NEK10: variants seen among roughly 807,000 people sequenced by gnomAD.
NEK10 encodes the protein NIMA related kinase 10.
In NEK10, 122 loss-of-function variants were observed where a neutral mutation model predicts 159.8. The ratio of observed to expected loss-of-function variants is 0.76; its 90% CI spans 0.66 to 0.89. The LOEUF (loss-of-function observed/expected upper bound fraction) is 0.89, where lower values mean the gene tolerates loss of function less well. NEK10 is among the 40% of genes least tolerant of loss of function. The probability of loss-of-function intolerance (pLI) is 0.00; values close to 1 mark genes in which losing one functional copy is unlikely to be tolerated. For missense variants in NEK10, 1,342 were observed against 1,323.1 expected, an observed-to-expected ratio of 1.01 and a Z score of -0.22; for synonymous variants, 466 against 457.1, an observed-to-expected ratio of 1.02 and a Z score of -0.25.
chr3:27,143,214 G>A (rs1943955562), intron 30 of NEK10, among the ~76,000 whole-genome samples: 1 of 152,156 alleles, frequency 6.6e-6, no homozygotes, highest in Admixed American at 6.5e-5. Context: ...ACTAGACAGT[G>A]TGTAACATGA....
chr3:27,186,422 T>C (rs1948628841), intron 26 of NEK10, among the ~76,000 whole-genome samples: 1 of 152,218 alleles, frequency 6.6e-6, no homozygotes. Context: ...AAATTTCTTC[T>C]GGAGCTCAAA....
At chr3:27,297,695 T>G (rs1229948851) in intron 13 of NEK10, among the ~76,000 whole-genome samples, 2 of 152,122 alleles carry the variant, frequency 1.3e-5, no homozygotes, top group Non-Finnish European at 2.9e-5. Flanking sequence ...GAGAAAACAG[T>G]TTCAAAGAGT....
At chr3:27,115,839 CT>C (rs1349945488) in intron 35 of NEK10, 100 bp downstream of exon 35, 5 of 830,154 alleles carry the variant, frequency 6.0e-6, no homozygotes, top group Non-Finnish European at 9.6e-6. Context: ...AAAATAAAAT[CT>C]GAAAAAAAAT....
At chr3:27,223,508 C>T (rs1398075221) in intron 23 of NEK10, among the ~76,000 whole-genome samples, 1 of 152,216 alleles carries the variant, frequency 6.6e-6, no homozygotes, top group Non-Finnish European at 1.5e-5. Context: ...ATTCTCAATA[C>T]CTGGCTGCTC....
intron 6 of NEK10, among the ~76,000 whole-genome samples, chr3:27,321,456 A>C (rs2045627285): frequency 6.6e-6 from 1 of 152,170 alleles, no homozygotes; most frequent in African/African-American, 2.4e-5. Flanking sequence ...AGATCACCTG[A>C]GGTCAGGGGT....
At chr3:27,267,798 C>T (rs201021073) in intron 22 of NEK10, among the ~76,000 whole-genome samples, 2 of 152,142 alleles carry the variant, frequency 1.3e-5, no homozygotes, top group East Asian at 1.9e-4. Flanking sequence ...AATAGTCATA[C>T]ATCTCTGACT....
intron 23 of NEK10, among the ~76,000 whole-genome samples, chr3:27,238,117 G>T (rs1449887195): frequency 6.6e-6 from 1 of 152,132 alleles, no homozygotes; most frequent in African/African-American, 2.4e-5. Context: ...TTCTAATTTA[G>T]TTTTAGCCAA....
At chr3:27,201,712 C>A (rs1463439632) in intron 24 of NEK10, 132 bp from the exon 25 acceptor site, 2 of 643,144 alleles carry the variant, frequency 3.1e-6, no homozygotes, top group Non-Finnish European at 5.6e-6. Context: ...AGTCAGAAAT[C>A]CCGACCAAAT....
At chr3:27,361,905 A>G (rs1474751033) in intron 1 of NEK10, among the ~76,000 whole-genome samples, 2 of 152,224 alleles carry the variant, frequency 1.3e-5, no homozygotes, top group African/African-American at 4.8e-5. Context: ...TACAAAAAAA[A>G]AAAATCTCTT....
intron 26 of NEK10, among the ~76,000 whole-genome samples, chr3:27,184,166 T>C (rs995002316): frequency 1.3e-5 from 2 of 152,172 alleles, no homozygotes; most frequent in African/African-American, 4.8e-5. Context: ...AAATTCCAAA[T>C]CTGGAGAAAA....
chr3:27,350,342 T>A (rs1430673862), intron 3 of NEK10, among the ~76,000 whole-genome samples: 1 of 152,162 alleles, frequency 6.6e-6, no homozygotes, highest in Non-Finnish European at 1.5e-5. Context: ...TGTCTCTTTA[T>A]AAGCTCTTAA....
intron 22 of NEK10, among the ~76,000 whole-genome samples, chr3:27,275,919 C>A (rs1403421911): frequency 2.0e-5 from 3 of 152,068 alleles, no homozygotes; most frequent in Admixed American, 6.6e-5. Context: ...CTTTGAGTTA[C>A]TGTTTGCTAA....
At chr3:27,305,440 C>T (rs1375535531) in intron 11 of NEK10, among the ~76,000 whole-genome samples, 1 of 151,968 alleles carries the variant, frequency 6.6e-6, no homozygotes, top group Non-Finnish European at 1.5e-5. Context: ...AGAAGAATTG[C>T]TTGAACCCAG....
At chr3:27,233,685 G>C (rs942662302) in intron 23 of NEK10, among the ~76,000 whole-genome samples, 1 of 151,928 alleles carries the variant, frequency 6.6e-6, no homozygotes, top group East Asian at 1.9e-4. Flanking sequence ...TGTGGTATAA[G>C]ATGTACAAAG....
chr3:27,352,702 ACT>A (rs1460257208), intron 2 of NEK10, 108 bp downstream of exon 2: 4 of 844,460 alleles, frequency 4.7e-6, no homozygotes, highest in Non-Finnish European at 7.9e-6. Context: ...AAGCACTGTA[ACT>A]CTGAATAGTA....
At chr3:27,221,683 C>T (rs1952113280) in intron 23 of NEK10, among the ~76,000 whole-genome samples, 1 of 152,228 alleles carries the variant, frequency 6.6e-6, no homozygotes, top group African/African-American at 2.4e-5. Flanking sequence ...GGGGAAACTG[C>T]CATCTCCACA....
At chr3:27,162,602 C>A in intron 30 of NEK10, 99 bp downstream of exon 30, 4 of 1,613,916 alleles carry the variant, frequency 2.5e-6, no homozygotes, top group Non-Finnish European at 3.4e-6. Flanking sequence ...GGCAGCAAAG[C>A]TGAAGAAATA....
intron 26 of NEK10, among the ~76,000 whole-genome samples, chr3:27,185,452 T>A (rs1948524525): frequency 6.6e-6 from 1 of 152,112 alleles, no homozygotes; most frequent in Non-Finnish European, 1.5e-5. Flanking sequence ...TGGAACTGAT[T>A]TAATCAGGTG....
intron 1 of NEK10, among the ~76,000 whole-genome samples, chr3:27,367,347 A>C (rs1391291705): frequency 6.6e-6 from 1 of 152,214 alleles, no homozygotes; most frequent in Non-Finnish European, 1.5e-5. Flanking sequence ...GCTCTTGCAC[A>C]CCATGCTGTA....
Sources: allele counts gnomAD v4.1 joint callset (sites outside exome capture counted in the v4.1 genomes callset), GRCh38; gene constraint gnomAD v4.1.1; transcripts MANE v1.5; gene names NCBI Gene and HGNC (gene_info 2026-07-23, HGNC 2026-07-21).